Variants in CHPT1 observed in about 807,000 individuals in gnomAD.
CHPT1 encodes the protein cholinephosphotransferase 1.
A neutral mutation model predicts 47.6 loss-of-function variants in CHPT1; 36 were observed. The ratio of observed to expected loss-of-function variants is 0.76; its 90% CI spans 0.58 to 1.00. CHPT1 has a LOEUF of 1.00. Ranked by LOEUF, CHPT1 falls within the 50% of genes least tolerant of loss-of-function variation. The pLI is 0.00. For synonymous variants in CHPT1, 194 were observed against 186.3 expected (o/e 1.04, Z -0.33); for missense variants, 458 against 498.1 (o/e 0.92, Z 0.77).
At chr12:101,722,971 A>G (rs879746054) in intron 5 of CHPT1, among the ~76,000 whole-genome samples, 197 bp from the exon 6 acceptor site, 1 of 152,210 alleles carries the variant, frequency 6.6e-6, no homozygotes, top group Non-Finnish European at 1.5e-5. Context: ...CATCTGTGGC[A>G]CTGTATTATG....
At chr12:101,705,286 C>G (rs1951615587) in intron 1 of CHPT1, among the ~76,000 whole-genome samples, 2 of 100,024 alleles carry the variant, frequency 2.0e-5, no homozygotes, top group South Asian at 6.7e-4. Flanking sequence ...TGGGCTCGAA[C>G]TCCTGACCTC....
intron 1 of CHPT1, among the ~76,000 whole-genome samples, chr12:101,707,226 G>A (rs1951646345): frequency 1.3e-5 from 2 of 152,168 alleles, no homozygotes; most frequent in Non-Finnish European, 2.9e-5. Context: ...TGGGTGAGAA[G>A]AGTGTTTAGA....
At position 101,710,863 on chromosome 12, in the gene CHPT1, A is replaced by G. The variant is rs142991027; in HGVS notation, c.274-3227A>G. ...TGGAAGATCCCTCTGACATTTTGTC[A>G]TTACAGAAATTTTAATAACTTCAAT... On this transcript the variant is annotated intron_variant, in intron 1 of 8. Transcript: ENST00000229266. Among the ~76,000 whole-genome samples the G allele has an allele frequency of 2.3e-3, 338 of 149,004 alleles. 12 individuals carry two copies. The highest frequency in any genetic ancestry group is 7.7e-3 in the African/African-American group (316 of 41,246).
chr12:101,700,797 C>T (rs1951544423), intron 1 of CHPT1, among the ~76,000 whole-genome samples: 1 of 152,166 alleles, frequency 6.6e-6, no homozygotes. Flanking sequence ...ATCCATCTAT[C>T]CTGAAGTAAC....
At chr12:101,719,060 G>A (rs1951807587) in intron 4 of CHPT1, among the ~76,000 whole-genome samples, 1 of 150,710 alleles carries the variant, frequency 6.6e-6, no homozygotes, top group African/African-American at 2.4e-5. Flanking sequence ...GGGAGGCTGA[G>A]GCAGGAGAAT....
chr12:101,698,457 G>T (rs77202410), intron 1 of CHPT1, among the ~76,000 whole-genome samples: 4,055 of 152,358 alleles, frequency 0.027, 193 homozygotes, highest in African/African-American at 0.092. Context: ...CCCATGCGGC[G>T]CCAACCTGTG....
chr12:101,703,253 C>T (rs557140023), intron 1 of CHPT1, among the ~76,000 whole-genome samples: 2 of 152,176 alleles, frequency 1.3e-5, no homozygotes, highest in Non-Finnish European at 2.9e-5. Context: ...GGGGAATTCT[C>T]TTCACACCCC....
chr12:101,726,243 G>T, intron 7 of CHPT1, 51 bp from the exon 8 acceptor site: 2 of 1,252,572 alleles, frequency 1.6e-6, no homozygotes, highest in South Asian at 2.5e-5. Flanking sequence ...AGTGCTACTT[G>T]AGAAAAGATA....
chr12:101,717,335 T>G (rs1387357001), intron 4 of CHPT1: 1 of 451,730 alleles, frequency 2.2e-6, no homozygotes, highest in South Asian at 1.6e-5. Flanking sequence ...CTGTCATAAA[T>G]TCAAGCTTTT....
chr12:101,698,101 G>A lies in CHPT1; in HGVS notation c.240G>A (p.Val80=). 2 of 1,552,746 alleles carry A rather than the reference G, an allele frequency of 1.3e-6. No individual in the cohort carries two copies. Among genetic ancestry groups the A allele is most frequent in the Admixed American group, 1.8e-5 (1 of 54,434 alleles). ...GLAVNVVTTL[V]LISYCPTATE... ...CCGTCAACGTGGTCACCACGCTCGTGCTCATCTCCTACTGTCCCACGGCCA... is the reference window on the plus strand; with the variant it reads ...CCGTCAACGTGGTCACCACGCTCGTACTCATCTCCTACTGTCCCACGGCCA... The change falls in exon 1 of 9, where the codon GTG becomes GTA. Residue 80 remains valine, a synonymous_variant. Transcript: ENST00000229266.
intron 4 of CHPT1, chr12:101,719,584 AT>A: frequency 9.0e-7 from 1 of 1,110,896 alleles, no homozygotes; most frequent in South Asian, 1.4e-5. Context: ...CATACACATC[AT>A]GATATTTGTT....
rs913487340 is a variant in CHPT1 at position 101,720,111 on chromosome 12, C to G, written c.649-12C>G. 1.2e-5 allele frequency: 19 copies of G among 1,565,276 alleles called. No individual in the cohort carries two copies. Among genetic ancestry groups the G allele is most frequent in the Non-Finnish European group, 1.5e-5 (17 of 1,158,330 alleles). On this transcript the variant is annotated splice_polypyrimidine_tract_variant and intron_variant, in intron 4 of 8. Transcript: ENST00000229266. Reference sequence around the variant, plus strand: ...CTGTTGTCTTAATTGTTTCTTTCTTCTACCCCTAAAGATTCCTATTCTAGA... The same window carrying G: ...CTGTTGTCTTAATTGTTTCTTTCTTGTACCCCTAAAGATTCCTATTCTAGA...
At chr12:101,721,174 A>G (rs1951845365) in intron 5 of CHPT1, among the ~76,000 whole-genome samples, 1 of 152,164 alleles carries the variant, frequency 6.6e-6, no homozygotes, top group South Asian at 2.1e-4. Flanking sequence ...AAATCCAGCT[A>G]GCTACTTGGG....
At chr12:101,707,698 G>A (rs1951651821) in intron 1 of CHPT1, among the ~76,000 whole-genome samples, 1 of 152,142 alleles carries the variant, frequency 6.6e-6, no homozygotes, top group Non-Finnish European at 1.5e-5. Context: ...AAGGAAAAGG[G>A]AAGACTTAAT....
Position 101,723,833 on chromosome 12 carries a change from C to A in CHPT1, c.1051C>A (p.Leu351Ile). 6.6e-7 allele frequency: 1 copy of A among 1,515,742 alleles called. No homozygotes were observed. The allele number at this position is 1,515,742 out of a possible 1,614,324, so 93.9% of individuals were successfully genotyped here. ...TAACTTTATAGACGAATATGTTGTT[C>A]TATGGATGGCAATGGTAAGTATTTT... ...FNNFIDEYVV[L>I]WMAMVISSFD... The change falls in exon 7 of 9, where the codon CTA (leucine) becomes ATA (isoleucine). Residue 351 changes from leucine (L) to isoleucine (I), a missense_variant. Coordinates refer to ENST00000229266, the MANE Select transcript of CHPT1 (RefSeq NM_020244.3).
At chr12:101,704,186 TTTTG>T (rs1951596358) in intron 1 of CHPT1, among the ~76,000 whole-genome samples, 1 of 151,152 alleles carries the variant, frequency 6.6e-6, no homozygotes, top group Non-Finnish European at 1.5e-5. Context: ...GGTTTTTTTG[TTTTG>T]TTTTTGTTTT....
At chr12:101,700,537 A>G (rs1371242032) in intron 1 of CHPT1, among the ~76,000 whole-genome samples, 1 of 152,234 alleles carries the variant, frequency 6.6e-6, no homozygotes, top group Admixed American at 6.5e-5. Context: ...GCCCAGCAAC[A>G]GTGTGAAGAG....
intron 1 of CHPT1, among the ~76,000 whole-genome samples, chr12:101,700,117 A>G (rs1951530944): frequency 1.3e-5 from 2 of 152,210 alleles, no homozygotes; most frequent in African/African-American, 4.8e-5. Context: ...GTCCAGATTT[A>G]GCTAACAGCA....
At chr12:101,724,541 C>T (rs1245933615) in intron 7 of CHPT1, among the ~76,000 whole-genome samples, 3 of 152,084 alleles carry the variant, frequency 2.0e-5, no homozygotes, top group Admixed American at 6.5e-5. Context: ...TTTATTGCAT[C>T]GAGAATTGTC....
Sources: gnomAD v4.1 joint callset for allele counts (sites outside exome capture counted in the v4.1 genomes callset) on GRCh38, gnomAD v4.1.1 for gene constraint, MANE v1.5 for transcripts, NCBI Gene and HGNC (gene_info 2026-07-23, HGNC 2026-07-21) for gene names.